Variants in RAB38 observed in about 807,000 individuals in gnomAD.
RAB38 encodes the protein RAB38, member RAS oncogene family, also known as ras-related protein Rab-38.
RAB38 carries 15 observed loss-of-function variants against 18.4 expected under a neutral mutation model. The ratio of observed to expected loss-of-function variants is 0.82; its 90% CI spans 0.55 to 1.26. The LOEUF is 1.26. Ranked by LOEUF, RAB38 falls within the 50% of genes most tolerant of loss-of-function variation. The pLI, the probability that RAB38 is intolerant of heterozygous loss-of-function variation, is 0.00. For synonymous variants in RAB38, 101 were observed against 104.4 expected (o/e 0.97, Z 0.20); for missense variants, 294 against 267.4 (o/e 1.10, Z -0.69).
chr11:88,069,540 T>C, the RAB38 span, among the ~76,000 whole-genome samples: 55,107 of 152,134 alleles, frequency 0.36, 10,801 homozygotes, highest in South Asian at 0.48. Flanking sequence ...AGAACTTTTA[T>C]GTCTAGCCGG....
chr11:88,053,107 C>A, the RAB38 span, among the ~76,000 whole-genome samples: 1 of 127,584 alleles, frequency 7.8e-6, no homozygotes, highest in Non-Finnish European at 1.6e-5. Flanking sequence ...TATATATACA[C>A]ATATATATGG....
the RAB38 span, among the ~76,000 whole-genome samples, chr11:87,899,476 A>G: frequency 6.6e-6 from 1 of 151,688 alleles, no homozygotes; most frequent in African/African-American, 2.4e-5. Context: ...TACTTTTTAA[A>G]TGTAAGCTAT....
At chr11:87,838,617 A>G in the RAB38 span, among the ~76,000 whole-genome samples, 1 of 152,190 alleles carries the variant, frequency 6.6e-6, no homozygotes, top group Non-Finnish European at 1.5e-5. Flanking sequence ...TGCCTTTATC[A>G]AGGAGAAGCA....
At chr11:88,056,539 T>C in the RAB38 span, among the ~76,000 whole-genome samples, 1 of 152,120 alleles carries the variant, frequency 6.6e-6, no homozygotes, top group African/African-American at 2.4e-5. Flanking sequence ...GCGCAGTGGC[T>C]CACGCCTGTA....
chr11:88,173,790 G>C, intron 1 of RAB38: 3 of 985,352 alleles, frequency 3.0e-6, no homozygotes, highest in Non-Finnish European at 3.6e-6. Flanking sequence ...CTTGCTACTA[G>C]AGCAGCTGAA....
chr11:87,906,818 T>A, the RAB38 span, among the ~76,000 whole-genome samples: 2 of 151,906 alleles, frequency 1.3e-5, no homozygotes, highest in East Asian at 3.9e-4. Context: ...TTTCTCTAGC[T>A]TGCTTTTATT....
the RAB38 span, among the ~76,000 whole-genome samples, chr11:87,859,376 A>G: frequency 6.6e-6 from 1 of 152,040 alleles, no homozygotes; most frequent in Non-Finnish European, 1.5e-5. Flanking sequence ...GCACTCTAAT[A>G]TAATGAAGGG....
chr11:88,109,323 G>T (rs1942442559), downstream of RAB38, among the ~76,000 whole-genome samples: 1 of 152,150 alleles, frequency 6.6e-6, no homozygotes, highest in South Asian at 2.1e-4. Context: ...GCCACATGCA[G>T]AAAACTGAAA....
downstream of RAB38, among the ~76,000 whole-genome samples, chr11:88,109,267 C>T (rs568809410): frequency 3.2e-4 from 49 of 152,202 alleles, 2 homozygotes; most frequent in South Asian, 5.8e-3. Flanking sequence ...ACAAGCCATG[C>T]GGAAAGGATT....
At chr11:87,941,214 G>GATACATATAT in the RAB38 span, among the ~76,000 whole-genome samples, 1 of 62,538 alleles carries the variant, frequency 1.6e-5, no homozygotes, top group African/African-American at 7.6e-5. Context: ...AAATATATGA[G>GATACATATAT]ATATATATAT....
the RAB38 span, among the ~76,000 whole-genome samples, chr11:87,830,480 C>CAA: frequency 1.2e-4 from 16 of 133,026 alleles, no homozygotes; most frequent in South Asian, 9.7e-4. Context: ...GGCACTGTCT[C>CAA]AAAAAAAAAA....
the RAB38 span, among the ~76,000 whole-genome samples, chr11:87,918,832 C>G: frequency 6.6e-6 from 1 of 151,546 alleles, no homozygotes; most frequent in African/African-American, 2.4e-5. Context: ...TCTCCTTACT[C>G]TAGTAATTGT....
At chr11:88,074,432 T>C in the RAB38 span, among the ~76,000 whole-genome samples, 1 of 152,198 alleles carries the variant, frequency 6.6e-6, no homozygotes. Flanking sequence ...AAATTATTTC[T>C]TTGTTGATAT....
the RAB38 span, among the ~76,000 whole-genome samples, chr11:87,957,316 T>C: frequency 6.6e-6 from 1 of 151,780 alleles, no homozygotes; most frequent in Non-Finnish European, 1.5e-5. Context: ...TCACCCCCCA[T>C]AGGGGCAATA....
the RAB38 span, among the ~76,000 whole-genome samples, chr11:88,005,964 G>A: frequency 2.0e-4 from 31 of 151,378 alleles, no homozygotes; most frequent in African/African-American, 7.2e-4. Context: ...CTATGTTTCT[G>A]TTTCTATGAC....
chr11:87,957,811 T>C, the RAB38 span, among the ~76,000 whole-genome samples: 8 of 152,086 alleles, frequency 5.3e-5, no homozygotes, highest in Admixed American at 4.6e-4. Context: ...AGGGAGAGCA[T>C]GAGAAGGTCA....
chr11:87,955,320 C>T, the RAB38 span, among the ~76,000 whole-genome samples: 1 of 152,124 alleles, frequency 6.6e-6, no homozygotes, highest in African/African-American at 2.4e-5. Context: ...ATTTCAGTTC[C>T]CATTACAAAA....
chr11:87,936,111 G>C, the RAB38 span, among the ~76,000 whole-genome samples: 3 of 151,754 alleles, frequency 2.0e-5, no homozygotes, highest in African/African-American at 4.8e-5. Flanking sequence ...CTTCTCAGTA[G>C]GTTCTTTTGT....
At chr11:87,884,966 C>T in the RAB38 span, among the ~76,000 whole-genome samples, 12 of 152,030 alleles carry the variant, frequency 7.9e-5, no homozygotes, top group Non-Finnish European at 1.6e-4. Context: ...GGTTCCCAAA[C>T]CTACCTTTAC....
Sources: gnomAD v4.1 joint callset for allele counts (sites outside exome capture counted in the v4.1 genomes callset) on GRCh38, gnomAD v4.1.1 for gene constraint, MANE v1.5 for transcripts, NCBI Gene and HGNC (gene_info 2026-07-23, HGNC 2026-07-21) for gene names.